The following DSCAML1 variants were observed in gnomAD, a reference collection of about 807,000 sequenced individuals.
DSCAML1 encodes cell adhesion molecule DSCAML1.
A neutral mutation model predicts 200.5 loss-of-function variants in DSCAML1; 38 were observed. That is an observed-to-expected ratio of 0.19 (90% CI 0.15 to 0.25). The LOEUF (loss-of-function observed/expected upper bound fraction) is 0.25. DSCAML1 is among the 10% of genes least tolerant of loss of function. The pLI, the probability that DSCAML1 is intolerant of heterozygous loss-of-function variation, is 1.00. For missense variants in DSCAML1, 2,223 were observed against 2,858.8 expected (o/e 0.78, Z 5.07); for synonymous variants, 1,215 against 1,165.0 (o/e 1.04, Z -0.87).
intron 3 of DSCAML1, among the ~76,000 whole-genome samples, chr11:117,725,790 T>C (rs1020632222): frequency 6.7e-5 from 10 of 149,242 alleles, no homozygotes; most frequent in African/African-American, 2.5e-4. Flanking sequence ...AAACAGGCCA[T>C]GGTTATGCTA....
intron 3 of DSCAML1, among the ~76,000 whole-genome samples, chr11:117,658,481 C>A (rs537007715): frequency 1.4e-4 from 22 of 152,310 alleles, no homozygotes; most frequent in Non-Finnish European, 2.6e-4. Flanking sequence ...AGAGCAAGAA[C>A]TAAAACCAGT....
rs368436327 is a variant in DSCAML1 at position 117,428,136 on chromosome 11, T to C, written c.*192A>G. On this transcript the variant is annotated 3_prime_UTR_variant, in exon 33 of 33. Coordinates refer to ENST00000651296, the MANE Select transcript of DSCAML1 (RefSeq NM_020693.4). ...TCAAATTCTTTGTGCCCTGGCTTCA[T>C]GGAGAAGAAGAAAATAGTTTCATTT... is the stretch of plus-strand genomic sequence containing the variant. 318 of 507,808 alleles carry C rather than the reference T, an allele frequency of 6.3e-4. 1 individual carries two copies. The highest frequency in any genetic ancestry group is 4.9e-3 in the African/African-American group (237 of 48,772). 31.5% of individuals were successfully genotyped at this position (507,808 alleles called of 1,614,324 possible). A position where few individuals can be genotyped will look rare whatever the true frequency, so the allele number is the denominator to read the frequency against.
At chr11:117,441,761 C>T (rs1057315028) in intron 21 of DSCAML1, among the ~76,000 whole-genome samples, 9 of 152,018 alleles carry the variant, frequency 5.9e-5, no homozygotes, top group African/African-American at 2.2e-4. Context: ...TGCCAAGGGG[C>T]TCTCAGAGCA....
In DSCAML1 at chr11:117,723,921, A is replaced by C. The variant is rs148854691; in HGVS notation, c.511+52870T>G. ...CATCTTGGGCTCAGGGCATTTGCCC[A>C]GGTTTTTATTACCTTTCCTAGACTA... On this transcript the variant is annotated intron_variant, in intron 3 of 32. Coordinates refer to ENST00000651296, the MANE Select transcript of DSCAML1 (RefSeq NM_020693.4). Among the ~76,000 whole-genome samples, 596 of 152,330 alleles carry C rather than the reference A, an allele frequency of 3.9e-3. 1 individual carries two copies. The highest frequency in any genetic ancestry group is 0.013 in the African/African-American group (538 of 41,572).
intron 1 of DSCAML1, among the ~76,000 whole-genome samples, chr11:117,787,441 C>T (rs1184227377): frequency 6.6e-6 from 1 of 152,114 alleles, no homozygotes; most frequent in East Asian, 1.9e-4. Context: ...AACCTAAAAC[C>T]GTGGTTCTCA....
intron 3 of DSCAML1, among the ~76,000 whole-genome samples, chr11:117,569,314 G>A (rs906015012): frequency 4.6e-5 from 7 of 152,174 alleles, no homozygotes; most frequent in African/African-American, 1.7e-4. Flanking sequence ...GCATGGGCAA[G>A]GACTTCATGT....
intron 3 of DSCAML1, among the ~76,000 whole-genome samples, chr11:117,546,763 C>T (rs539899569): frequency 5.3e-5 from 8 of 152,200 alleles, no homozygotes; most frequent in African/African-American, 1.7e-4. Flanking sequence ...TCTCTCTCCC[C>T]GAATCCTTTC....
intron 3 of DSCAML1, among the ~76,000 whole-genome samples, chr11:117,552,214 G>C (rs1249168750): frequency 6.6e-6 from 1 of 152,096 alleles, no homozygotes; most frequent in Non-Finnish European, 1.5e-5. Flanking sequence ...TCAGTCAGTG[G>C]AGCAGCCCTC....
At position 117,780,214 on chromosome 11, in the gene DSCAML1, A is replaced by AAAG. The variant is rs879545786; in HGVS notation, c.364+278_364+279insCTT. On this transcript the variant is annotated intron_variant, in intron 2 of 32. Transcript: ENST00000651296. This position sits in a 1 kb window ranked among gnomAD's most constrained non-coding sequence, Gnocchi z 4.8. Reference sequence around the variant, plus strand: ...AAGAAAGAAAGAGAAAGAAAGAGAGAGAGAGAAAGAAAGAAAGGAAAGAAA... The same window carrying AAAG: ...AAGAAAGAAAGAGAAAGAAAGAGAGAAAGGAGAGAAAGAAAGAAAGGAAAGAAA... Among the ~76,000 whole-genome samples, 3,932 of 67,506 alleles carry AAAG rather than the reference A, an allele frequency of 0.058. 270 individuals carry two copies. The highest frequency in any genetic ancestry group is 0.075 in the Middle Eastern group (10 of 134). The allele number at this position is 67,506 out of a possible 152,430, so 44.3% of individuals were successfully genotyped here. A position where few individuals can be genotyped will look rare whatever the true frequency, so the allele number is the denominator to read the frequency against.
At chr11:117,497,108 C>A (rs184029173) in intron 11 of DSCAML1, among the ~76,000 whole-genome samples, 25 of 152,290 alleles carry the variant, frequency 1.6e-4, no homozygotes, top group African/African-American at 5.8e-4. Context: ...CGAGTCTCCA[C>A]TGGCACAACA....
chr11:117,578,991 A>G (rs1031077711), intron 3 of DSCAML1, among the ~76,000 whole-genome samples: 2 of 152,198 alleles, frequency 1.3e-5, no homozygotes, highest in Non-Finnish European at 2.9e-5. Flanking sequence ...ATCCAAAAAT[A>G]CAGCAGTTAT....
upstream of DSCAML1, among the ~76,000 whole-genome samples, chr11:117,798,413 A>G (rs2055621661): frequency 6.6e-6 from 1 of 151,382 alleles, no homozygotes. Context: ...ATCCCTAGAA[A>G]TTTTAACTAA....
chr11:117,783,969 C>G (rs1207231307), intron 1 of DSCAML1, among the ~76,000 whole-genome samples: 1 of 152,210 alleles, frequency 6.6e-6, no homozygotes, highest in Non-Finnish European at 1.5e-5. Context: ...ATGACAGCAG[C>G]CTTCCTGCAC....
intron 3 of DSCAML1, among the ~76,000 whole-genome samples, chr11:117,538,993 T>C (rs1055634987): frequency 1.8e-4 from 28 of 152,186 alleles, no homozygotes; most frequent in Admixed American, 1.5e-3. Context: ...AGCAATGCTT[T>C]CAATCCACGT....
intron 8 of DSCAML1, among the ~76,000 whole-genome samples, chr11:117,512,218 G>A (rs1017610488): frequency 6.6e-6 from 1 of 152,192 alleles, no homozygotes; most frequent in Non-Finnish European, 1.5e-5. Context: ...TCTGAACCTT[G>A]AGTGGGATGC....
chr11:117,743,575 T>A (rs369597277), intron 3 of DSCAML1, among the ~76,000 whole-genome samples: 1 of 152,158 alleles, frequency 6.6e-6, no homozygotes, highest in African/African-American at 2.4e-5. Flanking sequence ...TCCCGCTGTC[T>A]GGCGTAACCA....
intron 3 of DSCAML1, among the ~76,000 whole-genome samples, chr11:117,716,562 G>GGGTA (rs1204794183): frequency 6.6e-6 from 1 of 151,186 alleles, no homozygotes; most frequent in Non-Finnish European, 1.5e-5. Flanking sequence ...AGAGAGGGGA[G>GGGTA]GGTAGTCCAG....
chr11:117,442,333 AGTGT>A (rs144505864), intron 21 of DSCAML1, among the ~76,000 whole-genome samples: 3 of 150,220 alleles, frequency 2.0e-5, no homozygotes, highest in African/African-American at 2.5e-5. Context: ...TAGTGTGTAT[AGTGT>A]GTATGTGTGT....
intron 3 of DSCAML1, among the ~76,000 whole-genome samples, chr11:117,743,355 A>G (rs1038959810): frequency 1.3e-5 from 2 of 152,172 alleles, no homozygotes; most frequent in African/African-American, 4.8e-5. Flanking sequence ...ATGGCTGCAC[A>G]CACATGAGCA....
Sources: gnomAD v4.1 joint callset for allele counts (sites outside exome capture counted in the v4.1 genomes callset) on GRCh38, gnomAD v4.1.1 for gene constraint, Gnocchi (gnomAD v3.1) non-coding constraint, MANE v1.5 for transcripts, NCBI Gene and HGNC (gene_info 2026-07-23, HGNC 2026-07-21) for gene names.